Variants in PITPNC1 observed in about 807,000 individuals in gnomAD.
The protein encoded by PITPNC1 is phosphatidylinositol transfer protein cytoplasmic 1, also known as cytoplasmic phosphatidylinositol transfer protein 1.
Under a neutral mutation model 44.7 loss-of-function variants are expected in PITPNC1, and 18 were observed. That is an observed-to-expected ratio of 0.40 (90% CI 0.28 to 0.60). PITPNC1 has a LOEUF of 0.60. Among genes scored for constraint, PITPNC1 ranks in the 20% least tolerant of loss-of-function variants. PITPNC1 has a pLI of 0.39. For missense variants in PITPNC1, 290 were observed against 418.4 expected, an observed-to-expected ratio of 0.69 and a Z score of 2.68; for synonymous variants, 141 against 149.6, an observed-to-expected ratio of 0.94 and a Z score of 0.42.
chr17:67,681,517 A>G (rs925553175), intron 8 of PITPNC1, among the ~76,000 whole-genome samples: 3 of 149,366 alleles, frequency 2.0e-5, no homozygotes, highest in Non-Finnish European at 4.4e-5. Flanking sequence ...GCTGAGGTGG[A>G]AGGACCACTT....
chr17:67,628,385 G>C (rs57357221), intron 5 of PITPNC1, among the ~76,000 whole-genome samples: 2,196 of 152,206 alleles, frequency 0.014, 54 homozygotes, highest in African/African-American at 0.049. Context: ...CCAATCAGGA[G>C]ATAGAAACCA....
chr17:67,489,905 G>A (rs1193262180), intron 1 of PITPNC1, among the ~76,000 whole-genome samples: 4 of 151,868 alleles, frequency 2.6e-5, no homozygotes, highest in South Asian at 2.1e-4. Context: ...CACCACGCCC[G>A]GCTAATTTTT....
intron 1 of PITPNC1, among the ~76,000 whole-genome samples, chr17:67,449,018 C>T (rs188549807): frequency 5.3e-5 from 8 of 152,322 alleles, no homozygotes; most frequent in Admixed American, 2.6e-4. Flanking sequence ...CCTCCCGCCT[C>T]GGCCTCCCAA....
In PITPNC1 at chr17:67,494,185, T is replaced by TTCTTTCTTTTTCTTTCTTTCTTTC; in HGVS notation, c.49-38616_49-38615insCTTTCTTTTTCTTTCTTTCTTTCT. Among the ~76,000 whole-genome samples, 79 of 102,496 alleles carry TTCTTTCTTTTTCTTTCTTTCTTTC rather than the reference T, an allele frequency of 7.7e-4. 1 individual carries two copies. The highest frequency in any genetic ancestry group is 1.2e-3 in the Non-Finnish European group (59 of 48,730). The allele number at this position is 102,496 out of a possible 152,430, so 67.2% of individuals were successfully genotyped here. ...CCTCTTTCTTTCTTTCTTTCTTTCT[T>TTCTTTCTTTTTCTTTCTTTCTTTC]TTTCTTTCTTTCTTTCTTTCTTTCT... On this transcript the variant is annotated intron_variant, in intron 1 of 8. Transcript: ENST00000581322.
chr17:67,663,844 G>A (rs888825754), intron 6 of PITPNC1, among the ~76,000 whole-genome samples: 4 of 152,210 alleles, frequency 2.6e-5, no homozygotes, highest in East Asian at 1.9e-4. Context: ...TGACATGGCC[G>A]CTTCTTATGG....
chr17:67,626,188 G>A (rs2041893680), intron 5 of PITPNC1, among the ~76,000 whole-genome samples: 1 of 151,882 alleles, frequency 6.6e-6, no homozygotes, highest in Non-Finnish European at 1.5e-5. Flanking sequence ...GTCTTGCTAT[G>A]TTGCCCAGGC....
intron 1 of PITPNC1, among the ~76,000 whole-genome samples, chr17:67,391,244 A>G (rs1462832719): frequency 6.6e-6 from 1 of 152,102 alleles, no homozygotes; most frequent in Non-Finnish European, 1.5e-5. Flanking sequence ...CAGAGAAATA[A>G]GATTGGCCAA....
At position 67,424,897 on chromosome 17, in the gene PITPNC1, G is replaced by A. The variant is rs191065763; in HGVS notation, c.48+46695G>A. ...CTGAAGCAACTGAAGATCCACAAAA[G>A]AAGTGAAAATAGCCTTAACTGATGA... On this transcript the variant is annotated intron_variant, in intron 1 of 8. Transcript: ENST00000581322. 4.8e-3 allele frequency among the ~76,000 whole-genome samples: 726 copies of A among 152,026 alleles called. 9 individuals are homozygous for A. Among genetic ancestry groups the A allele is most frequent in the Admixed American group, 8.5e-3 (130 of 15,266 alleles).
chr17:67,665,187 G>A (rs1010982563), intron 6 of PITPNC1, among the ~76,000 whole-genome samples: 6 of 152,012 alleles, frequency 3.9e-5, no homozygotes, highest in Admixed American at 3.3e-4. Flanking sequence ...CAATTTCCTG[G>A]GCTCGAGTGA....
At chr17:67,529,170 T>C (rs1372272619) in intron 1 of PITPNC1, among the ~76,000 whole-genome samples, 1 of 152,096 alleles carries the variant, frequency 6.6e-6, no homozygotes, top group Non-Finnish European at 1.5e-5. Context: ...CGCCCAGCCC[T>C]CCACCGGCTG....
chr17:67,625,402 T>C (rs536932178), intron 5 of PITPNC1, among the ~76,000 whole-genome samples: 87 of 152,218 alleles, frequency 5.7e-4, no homozygotes, highest in African/African-American at 2.1e-3. Context: ...CCTCAGCAGA[T>C]CTCTTCCTCC....
chr17:67,595,682 C>A (rs886678711), intron 5 of PITPNC1, among the ~76,000 whole-genome samples: 1 of 152,004 alleles, frequency 6.6e-6, no homozygotes, highest in Admixed American at 6.6e-5. Context: ...AGACTGATGG[C>A]GATTCTCTAT....
chr17:67,583,413 C>A (rs1377868373), intron 5 of PITPNC1, among the ~76,000 whole-genome samples: 1 of 151,840 alleles, frequency 6.6e-6, no homozygotes, highest in Non-Finnish European at 1.5e-5. Flanking sequence ...CATGGTGAAA[C>A]CTCGTCTCTA....
At chr17:67,580,408 C>G (rs1372236910) in intron 5 of PITPNC1, among the ~76,000 whole-genome samples, 2 of 152,134 alleles carry the variant, frequency 1.3e-5, no homozygotes, top group African/African-American at 4.8e-5. Context: ...TGCAGTAGCA[C>G]GATCTCAGGT....
intron 4 of PITPNC1, 143 bp downstream of exon 4, chr17:67,553,760 G>A (rs2040798082): frequency 9.2e-6 from 4 of 435,764 alleles, no homozygotes; most frequent in Admixed American, 8.7e-5. Context: ...GTAGGCTATT[G>A]CATCGTTATA....
intron 1 of PITPNC1, among the ~76,000 whole-genome samples, chr17:67,449,300 G>C (rs1346692495): frequency 6.6e-6 from 1 of 152,144 alleles, no homozygotes; most frequent in African/African-American, 2.4e-5. Flanking sequence ...TTTGGGAGAA[G>C]TTAAACGTGA....
chr17:67,426,810 TA>T (rs151185386), intron 1 of PITPNC1, among the ~76,000 whole-genome samples: 3,334 of 152,284 alleles, frequency 0.022, 72 homozygotes, highest in South Asian at 0.11. Flanking sequence ...TTTAAAAACT[TA>T]TTTAATTTGC....
chr17:67,435,335 C>G (rs2038922872), intron 1 of PITPNC1, among the ~76,000 whole-genome samples: 1 of 152,212 alleles, frequency 6.6e-6, no homozygotes, highest in South Asian at 2.1e-4. Flanking sequence ...GTAACCTTCA[C>G]TAAACGTGAC....
chr17:67,391,304 C>G (rs2038135527), intron 1 of PITPNC1, among the ~76,000 whole-genome samples: 1 of 152,126 alleles, frequency 6.6e-6, no homozygotes, highest in East Asian at 1.9e-4. Flanking sequence ...AGTACCTAAT[C>G]TAAGCCGCTA....
Sources: allele counts gnomAD v4.1 joint callset (sites outside exome capture counted in the v4.1 genomes callset), GRCh38; gene constraint gnomAD v4.1.1; transcripts MANE v1.5; gene names NCBI Gene and HGNC (gene_info 2026-07-23, HGNC 2026-07-21).